The following TM6SF2 variants were observed in gnomAD, a reference collection of about 807,000 sequenced individuals.
The protein encoded by TM6SF2 is transmembrane 6 superfamily member 2.
TM6SF2 carries 29 observed loss-of-function variants against 41.0 expected under a neutral mutation model. That is an observed-to-expected ratio of 0.71 (90% CI 0.53 to 0.96). The LOEUF is 0.96. Ranked by LOEUF, TM6SF2 falls within the 50% of genes least tolerant of loss-of-function variation. The probability of loss-of-function intolerance (pLI) is 0.00; values close to 1 mark genes in which losing one functional copy is unlikely to be tolerated. For missense variants in TM6SF2, 475 were observed against 499.0 expected (o/e 0.95, Z 0.46); for synonymous variants, 200 against 209.1 (o/e 0.96, Z 0.37).
In TM6SF2 at chr19:19,264,501, G is replaced by T; in HGVS notation, c.*163C>A. ...GGAGGCTCTCCTTGCAGGAACACTTGGTCGTTGGTCTCCATCCCACCCACT... is the reference window on the plus strand; with the variant it reads ...GGAGGCTCTCCTTGCAGGAACACTTTGTCGTTGGTCTCCATCCCACCCACT... On this transcript the variant is annotated 3_prime_UTR_variant, in exon 10 of 10. Coordinates refer to ENST00000389363, the MANE Select transcript of TM6SF2 (RefSeq NM_001001524.3). 2 of 493,014 alleles carry T rather than the reference G, an allele frequency of 4.1e-6. No individual in the cohort carries two copies. The highest frequency in any genetic ancestry group is 2.0e-5 in the African/African-American group (1 of 50,182). 30.5% of individuals were successfully genotyped at this position (493,014 alleles called of 1,614,324 possible). A position where few individuals can be genotyped will look rare whatever the true frequency, so the allele number is the denominator to read the frequency against.
At chr19:19,271,225 G>A in intron 1 of TM6SF2, 100 bp from the exon 2 acceptor site, 2 of 905,276 alleles carry the variant, frequency 2.2e-6, no homozygotes, top group African/African-American at 1.6e-5. Flanking sequence ...GAAGCCCCAG[G>A]GGAAGAGACT....
chr19:19,273,024 C>T, intron 1 of TM6SF2, 97 bp downstream of exon 1: 3 of 1,020,400 alleles, frequency 2.9e-6, no homozygotes, highest in Non-Finnish European at 4.0e-6. Context: ...GCCAGGTCCG[C>T]GGACCGCGCA....
chr19:19,267,591 G>C, intron 8 of TM6SF2, 30 bp downstream of exon 8: 1 of 1,570,374 alleles, frequency 6.4e-7, no homozygotes, highest in Non-Finnish European at 8.7e-7. Context: ...CCATGGCAGG[G>C]GTGTGGTCTT....
In TM6SF2 at chr19:19,268,036, G is replaced by A; in HGVS notation, c.661C>T (p.Leu221Phe). ...GLLQRPADLA[L>F]VIYLILAGFF... is the part of the protein sequence containing the mutation. ...CCAGCAAGGATGAGATATATGACAA[G>A]GGCCAGGTCAGCCGGACGCTGCAGG... The change falls in exon 7 of 10, where the codon CTT (leucine) becomes TTT (phenylalanine). Residue 221 changes from leucine (L) to phenylalanine (F), a missense_variant. By Grantham distance (22) the Leu-to-Phe change is conservative. Around this residue, in one of 3 missense-constraint regions of TM6SF2, gnomAD observed 47 missense variants for 80.3 expected, o/e 0.59. Coordinates refer to ENST00000389363, the MANE Select transcript of TM6SF2 (RefSeq NM_001001524.3). The A allele has an allele frequency of 6.2e-7, 1 of 1,614,088 alleles. No homozygotes were observed. Among genetic ancestry groups the A allele is most frequent in the Non-Finnish European group, 8.5e-7 (1 of 1,180,012 alleles).
At chr19:19,273,083 C>G in intron 1 of TM6SF2, 38 bp downstream of exon 1, 1 of 1,090,294 alleles carries the variant, frequency 9.2e-7, no homozygotes, top group Non-Finnish European at 1.2e-6. Flanking sequence ...CCCGCCCCCA[C>G]TGTCCCCAAG....
Position 19,271,177 on chromosome 19 carries a change from G to A in TM6SF2, c.96-52C>T, listed in dbSNP as rs551774494. On this transcript the variant is annotated intron_variant, in intron 1 of 9. Transcript: ENST00000389363. ...AGGCCAGGCCCAGTGCTGAGGCATCGCCCCACTCTCCCTGGTGGGGGAAGG... is the reference window on the plus strand; with the variant it reads ...AGGCCAGGCCCAGTGCTGAGGCATCACCCCACTCTCCCTGGTGGGGGAAGG... The A allele has an allele frequency of 8.2e-5, 117 of 1,433,522 alleles. No individual in the cohort carries two copies. In the East Asian group the frequency reaches 2.1e-3, roughly 26 times the overall value. The allele number at this position is 1,433,522 out of a possible 1,614,324, so 88.8% of individuals were successfully genotyped here. A position where few individuals can be genotyped will look rare whatever the true frequency, so the allele number is the denominator to read the frequency against.
Position 19,270,394 on chromosome 19 carries a change from A to G in TM6SF2, c.248T>C (p.Leu83Pro), listed in dbSNP as rs981140991. 1 of 1,613,688 alleles carries G rather than the reference A, an allele frequency of 6.2e-7. No individual in the cohort carries two copies. Among genetic ancestry groups the G allele is most frequent in the African/African-American group, 1.3e-5 (1 of 75,042 alleles). Residue 83 changes from leucine (L) to proline (P), a missense_variant, in exon 3 of 10, where the codon CTT becomes CCT. Physicochemically the swap from Leu to Pro is moderately conservative, Grantham distance 98. This residue lies in a region of TM6SF2 where 238 missense variants were observed against 228.6 expected (regional missense o/e 1.04). Transcript: ENST00000389363. ...GCCCACCACATAGCTGTCTTCCTGA[A>G]GAGCGATGATGAGGTCCACAACCGA... ...FTSVVDLIIA[L>P]QEDSYVVGFM... is the part of the protein sequence containing the mutation.
At chr19:19,273,050 A>ACCTCC in intron 1 of TM6SF2, 71 bp downstream of exon 1, 1 of 899,688 alleles carries the variant, frequency 1.1e-6, no homozygotes, top group Non-Finnish European at 1.5e-6. Context: ...CCTCCAGCCC[A>ACCTCC]CCTCCAGTCC....
At chr19:19,272,946 G>C (rs10419245) in intron 1 of TM6SF2, among the ~76,000 whole-genome samples, 175 bp downstream of exon 1, 1 of 151,682 alleles carries the variant, frequency 6.6e-6, no homozygotes, top group Non-Finnish European at 1.5e-5. Flanking sequence ...CGGTTAGAGG[G>C]GGGTGTTCTT....
chr19:19,268,790 C>G (rs764796534), intron 5 of TM6SF2, 36 bp from the exon 6 acceptor site: 1 of 1,552,306 alleles, frequency 6.4e-7, no homozygotes, highest in South Asian at 1.2e-5. Flanking sequence ...TCAGCCATGC[C>G]AGAACCCTGC....
rs2061009494 is a variant in TM6SF2 at position 19,268,032 on chromosome 19, A to T, written c.665T>A (p.Val222Asp). The T allele has an allele frequency of 6.2e-7, 1 of 1,613,918 alleles. No homozygotes were observed. The highest frequency in any genetic ancestry group is 1.7e-5 in the Admixed American group (1 of 59,992). The part of the protein sequence containing the change: ...LLQRPADLAL[V>D]IYLILAGFFT... ...GAAGCCAGCAAGGATGAGATATATG[A>T]CAAGGGCCAGGTCAGCCGGACGCTG... The change falls in exon 7 of 10, where the codon GTC becomes GAC. Residue 222 changes from valine to aspartate, a missense_variant. Transcript: ENST00000389363.
At position 19,273,267 on chromosome 19, in the gene TM6SF2, C is replaced by T; in HGVS notation, c.-52G>A. The T allele has an allele frequency of 1.6e-6, 2 of 1,277,726 alleles. No individual in the cohort carries two copies. Among genetic ancestry groups the T allele is most frequent in the Non-Finnish European group, 1.0e-6 (1 of 999,962 alleles). The allele number at this position is 1,277,726 out of a possible 1,614,324, so 79.1% of individuals were successfully genotyped here. A position where few individuals can be genotyped will look rare whatever the true frequency, so the allele number is the denominator to read the frequency against. On this transcript the variant is annotated 5_prime_UTR_variant, in exon 1 of 10. Coordinates refer to ENST00000389363, the MANE Select transcript of TM6SF2 (RefSeq NM_001001524.3). ...GCCCCGACGCGTTCTCCAGGGCGCT[C>T]GGCTCCTCGTTGGCGGCGAGTCCGG...
intron 9 of TM6SF2, 145 bp from the exon 10 acceptor site, chr19:19,265,018 C>T (rs2060998022): frequency 1.1e-5 from 5 of 462,850 alleles, no homozygotes; most frequent in African/African-American, 2.0e-5. Flanking sequence ...ATCTGTTTCC[C>T]ATCTCCAGTC....
intron 9 of TM6SF2, among the ~76,000 whole-genome samples, 195 bp downstream of exon 9, chr19:19,266,295 C>T (rs1243472657): frequency 1.3e-5 from 2 of 152,148 alleles, no homozygotes; most frequent in Non-Finnish European, 2.9e-5. Flanking sequence ...GCCCCTGTCC[C>T]TATTTTCATG....
chr19:19,269,558 C>T, intron 5 of TM6SF2, 129 bp downstream of exon 5: 5 of 1,119,148 alleles, frequency 4.5e-6, no homozygotes, highest in Non-Finnish European at 6.5e-6. Context: ...AGGCTGTGGA[C>T]ACGCAAAGAG....
intron 1 of TM6SF2, 35 bp downstream of exon 1, chr19:19,273,086 T>TA: frequency 1.0e-5 from 3 of 299,868 alleles, no homozygotes; most frequent in South Asian, 3.5e-5. Flanking sequence ...GCCCCCACTG[T>TA]CCCCAAGGCC....
chr19:19,264,447 G>A lies in TM6SF2; in HGVS notation c.*217C>T, dbSNP rs2060995441. The A allele has an allele frequency of 2.5e-6, 1 of 405,502 alleles. No individual in the cohort carries two copies. Among genetic ancestry groups the A allele is most frequent in the Admixed American group, 4.4e-5 (1 of 22,502 alleles). 25.1% of individuals were successfully genotyped at this position (405,502 alleles called of 1,614,324 possible). A position where few individuals can be genotyped will look rare whatever the true frequency, so the allele number is the denominator to read the frequency against. ...TTCTGGAAGGGGTAGAAGCGTTTGT[G>A]TGGGAGTTGGAGCATGGTGACAGCT... On this transcript the variant is annotated 3_prime_UTR_variant, in exon 10 of 10. Coordinates refer to ENST00000389363, the MANE Select transcript of TM6SF2 (RefSeq NM_001001524.3).
intron 8 of TM6SF2, chr19:19,266,823 AG>A (rs2061004710): frequency 2.0e-6 from 1 of 506,888 alleles, no homozygotes; most frequent in African/African-American, 2.0e-5. Flanking sequence ...TTTCTCTGAA[AG>A]TGGCATGCGA....
intron 1 of TM6SF2, 60 bp downstream of exon 1, chr19:19,273,061 T>TCCCCCCCCCCCCCCCCCCC: frequency 3.3e-6 from 1 of 305,470 alleles, no homozygotes; most frequent in Non-Finnish European, 6.1e-6. Flanking sequence ...CCTCCAGTCC[T>TCCCCCCCCCCCCCCCCCCC]CCCCGCCCCC....
Sources: gnomAD v4.1 joint callset for allele counts (sites outside exome capture counted in the v4.1 genomes callset) on GRCh38, gnomAD v4.1.1 for gene constraint, gnomAD v4.1.1 regional missense constraint, MANE v1.5 for transcripts, NCBI Gene and HGNC (gene_info 2026-07-23, HGNC 2026-07-21) for gene names.